ACSL3: variants seen among roughly 807,000 people sequenced by gnomAD.
The protein encoded by ACSL3 is fatty acid CoA ligase Acsl3.
In ACSL3, 34 loss-of-function variants were observed where a neutral mutation model predicts 84.7. The ratio of observed to expected loss-of-function variants is 0.40; its 90% confidence interval spans 0.31 to 0.53. ACSL3 has a LOEUF of 0.53. ACSL3 is among the 20% of genes least tolerant of loss of function. ACSL3 has a pLI of 0.48. For synonymous variants in ACSL3, 315 were observed against 299.4 expected (o/e 1.05, Z -0.54); for missense variants, 680 against 873.1 (o/e 0.78, Z 2.79).
chr2:222,941,475 T>TG, intron 16 of ACSL3, 22 bp from the exon 17 acceptor site: 1 of 1,272,466 alleles, frequency 7.9e-7, no homozygotes, highest in Non-Finnish European at 1.1e-6. Context: ...TTTCTTCTTT[T>TG]CTTTTTTTTT....
chr2:222,934,290 A>G (rs895690420), intron 15 of ACSL3, among the ~76,000 whole-genome samples: 1 of 152,222 alleles, frequency 6.6e-6, no homozygotes, highest in African/African-American at 2.4e-5. Context: ...CATAGTTGAA[A>G]TTCATCATGA....
intron 1 of ACSL3, chr2:222,861,810 G>A (rs1695020940): frequency 6.6e-6 from 1 of 152,406 alleles, no homozygotes; most frequent in Non-Finnish European, 1.5e-5. Flanking sequence ...CTGGGATTAA[G>A]ACTGTCGTTT....
intron 2 of ACSL3, among the ~76,000 whole-genome samples, chr2:222,891,861 A>T (rs1054224477): frequency 1.3e-5 from 2 of 152,190 alleles, no homozygotes; most frequent in African/African-American, 4.8e-5. Flanking sequence ...TTTTCTTAAA[A>T]ATAAAATACC....
intron 5 of ACSL3, chr2:222,916,726 TCAGG>T: frequency 8.6e-6 from 3 of 348,366 alleles, no homozygotes; most frequent in South Asian, 1.1e-4. Flanking sequence ...TGGGAGACTT[TCAGG>T]TCTTGAGAAC....
At chr2:222,873,933 A>T (rs548007374) in intron 1 of ACSL3, among the ~76,000 whole-genome samples, 1 of 152,236 alleles carries the variant, frequency 6.6e-6, no homozygotes, top group Non-Finnish European at 1.5e-5. Flanking sequence ...TAAAAATTAC[A>T]ATTGCTTCCC....
chr2:222,872,846 G>T (rs925246108), intron 1 of ACSL3, among the ~76,000 whole-genome samples: 3 of 151,996 alleles, frequency 2.0e-5, no homozygotes, highest in East Asian at 1.9e-4. Context: ...GCAATGTGGG[G>T]TGGGGTGGGA....
intron 4 of ACSL3, among the ~76,000 whole-genome samples, chr2:222,915,651 C>G (rs1049764794): frequency 2.0e-5 from 3 of 152,158 alleles, no homozygotes; most frequent in Non-Finnish European, 4.4e-5. Flanking sequence ...CCAGCACTTA[C>G]GATAAACAGA....
intron 1 of ACSL3, among the ~76,000 whole-genome samples, chr2:222,880,603 C>G (rs1297836215): frequency 6.6e-6 from 1 of 151,702 alleles, no homozygotes; most frequent in East Asian, 1.9e-4. Flanking sequence ...CCAAGGTGGG[C>G]GGATCACGAG....
intron 8 of ACSL3, among the ~76,000 whole-genome samples, chr2:222,921,814 CA>C (rs1696747409): frequency 6.6e-6 from 1 of 151,940 alleles, no homozygotes; most frequent in Non-Finnish European, 1.5e-5. Flanking sequence ...CTTGTTAATA[CA>C]AACTCCAGTG....
Position 222,909,153 on chromosome 2 carries a change from A to G in ACSL3, c.378+3A>G, listed in dbSNP as rs1696375167. 6.3e-7 allele frequency: 1 copy of G among 1,593,194 alleles called. No individual in the cohort carries two copies. Among genetic ancestry groups the G allele is most frequent in the Non-Finnish European group, 8.5e-7 (1 of 1,174,822 alleles). ...CAAATGGAAAAATTTTTAAAAAGGT[A>G]AGATGATCTTTCATTGCCTTTGAAT... On this transcript the variant is annotated splice_donor_region_variant and intron_variant, in intron 4 of 16. Transcript: ENST00000357430.
intron 2 of ACSL3, among the ~76,000 whole-genome samples, chr2:222,899,081 A>G (rs1696069370): frequency 5.9e-5 from 9 of 152,078 alleles, no homozygotes; most frequent in Admixed American, 5.9e-4. Flanking sequence ...TTTCACCGTC[A>G]TACGATATAG....
chr2:222,932,044 A>G (rs1296618725), intron 14 of ACSL3, among the ~76,000 whole-genome samples: 1 of 152,176 alleles, frequency 6.6e-6, no homozygotes, highest in East Asian at 1.9e-4. Context: ...CAAAATCTCA[A>G]AACCAACCAA....
At chr2:222,877,221 G>A (rs1283490583) in intron 1 of ACSL3, among the ~76,000 whole-genome samples, 2 of 152,200 alleles carry the variant, frequency 1.3e-5, no homozygotes, top group South Asian at 2.1e-4. Flanking sequence ...TGAAGTGAAA[G>A]AGTTGGTGGA....
intron 3 of ACSL3, among the ~76,000 whole-genome samples, chr2:222,902,133 A>G (rs921218163): frequency 5.3e-5 from 8 of 152,082 alleles, no homozygotes; most frequent in Non-Finnish European, 5.9e-5. Context: ...TTCATATCCA[A>G]CTTATTTAAC....
chr2:222,888,807 T>C (rs1695778548), intron 2 of ACSL3, among the ~76,000 whole-genome samples: 1 of 152,228 alleles, frequency 6.6e-6, no homozygotes, highest in South Asian at 2.1e-4. Flanking sequence ...GTATCCAAGA[T>C]TGCCATCTTT....
At chr2:222,922,256 A>G (rs1696760555) in intron 8 of ACSL3, among the ~76,000 whole-genome samples, 1 of 152,148 alleles carries the variant, frequency 6.6e-6, no homozygotes, top group African/African-American at 2.4e-5. Flanking sequence ...AATTTCTGGC[A>G]GATAGTTGTG....
rs1195256405 is a variant in ACSL3, at chr2:222,942,958, T to G, written c.*1304T>G. On this transcript the variant is annotated 3_prime_UTR_variant, in exon 17 of 17. Transcript: ENST00000357430. ...CTTGTCTGTTGTTATATCTGGATTATCAAAAGCAATAGTGCACCAATTAAG... is the reference window on the plus strand; with the variant it reads ...CTTGTCTGTTGTTATATCTGGATTAGCAAAAGCAATAGTGCACCAATTAAG... The G allele has an allele frequency of 4.4e-6, 1 of 224,990 alleles. No individual in the cohort carries two copies. The highest frequency in any genetic ancestry group is 8.8e-6 in the Non-Finnish European group (1 of 113,074). The allele number at this position is 224,990 out of a possible 1,614,324, so 13.9% of individuals were successfully genotyped here.
chr2:222,870,579 G>T (rs186554904), intron 1 of ACSL3, among the ~76,000 whole-genome samples: 1 of 152,332 alleles, frequency 6.6e-6, no homozygotes, highest in East Asian at 1.9e-4. Context: ...TGGAGGTTTG[G>T]GTATCAGAGA....
Position 222,861,165 on chromosome 2 carries a change from G to A in ACSL3, c.-300G>A. 1 of 152,294 alleles carries A rather than the reference G, an allele frequency of 6.6e-6. No individual in the cohort carries two copies. Among genetic ancestry groups the A allele is most frequent in the East Asian group, 1.9e-4 (1 of 5,168 alleles). 9.4% of individuals were successfully genotyped at this position (152,294 alleles called of 1,614,324 possible). A position where few individuals can be genotyped will look rare whatever the true frequency, so the allele number is the denominator to read the frequency against. ...ATTGCGGCCCCGACAGCTGCGCCAGGATCCCCGGGCGGCGGCGCGGGGCGT... is the reference window on the plus strand; with the variant it reads ...ATTGCGGCCCCGACAGCTGCGCCAGAATCCCCGGGCGGCGGCGCGGGGCGT... On this transcript the variant is annotated 5_prime_UTR_variant, in exon 1 of 17. Transcript: ENST00000357430.
Sources: gnomAD v4.1 joint callset for allele counts (sites outside exome capture counted in the v4.1 genomes callset) on GRCh38, gnomAD v4.1.1 for gene constraint, MANE v1.5 for transcripts, NCBI Gene and HGNC (gene_info 2026-07-23, HGNC 2026-07-21) for gene names.